Variants in SPOCK1 observed in about 807,000 individuals in gnomAD.
SPOCK1 encodes the protein testican-1.
SPOCK1 carries 23 observed loss-of-function variants against 55.3 expected under a neutral mutation model. The ratio of observed to expected loss-of-function variants is 0.42; its 90% confidence interval spans 0.30 to 0.59. The LOEUF (loss-of-function observed/expected upper bound fraction) is 0.59, where lower values mean the gene tolerates loss of function less well. Among genes scored for constraint, SPOCK1 ranks in the 20% least tolerant of loss-of-function variants. The probability of loss-of-function intolerance (pLI) is 0.22; values close to 1 mark genes in which losing one functional copy is unlikely to be tolerated. For missense variants in SPOCK1, 499 were observed against 552.5 expected (o/e 0.90, Z 0.97); for synonymous variants, 226 against 221.0 (o/e 1.02, Z -0.20).
chr5:137,095,752 C>G (rs1372893436), intron 5 of SPOCK1, among the ~76,000 whole-genome samples: 2 of 152,152 alleles, frequency 1.3e-5, no homozygotes, highest in African/African-American at 4.8e-5. Context: ...TGATGGAAAC[C>G]TTAGGAAGGA....
intron 3 of SPOCK1, among the ~76,000 whole-genome samples, chr5:137,204,322 A>G (rs892229442): frequency 5.3e-5 from 8 of 152,232 alleles, no homozygotes; most frequent in Admixed American, 1.3e-4. Context: ...TGATGGAACA[A>G]AACCTAAAAT....
chr5:137,038,164 G>A (rs1751922152), intron 6 of SPOCK1, among the ~76,000 whole-genome samples: 2 of 152,182 alleles, frequency 1.3e-5, no homozygotes, highest in South Asian at 2.1e-4. Flanking sequence ...TAGAGGGCAA[G>A]ACAGTTTAAG....
intron 3 of SPOCK1, among the ~76,000 whole-genome samples, chr5:137,240,391 C>G (rs534821490): frequency 6.6e-6 from 1 of 152,120 alleles, no homozygotes; most frequent in Non-Finnish European, 1.5e-5. Context: ...ATGGCAAGAA[C>G]GGAGCAAGGT....
chr5:137,220,437 G>A lies in SPOCK1; in HGVS notation c.232+46573C>T, dbSNP rs1209215903. 2.6e-5 allele frequency among the ~76,000 whole-genome samples: 4 copies of A among 152,128 alleles called. No homozygotes were observed. The East Asian group carries it at 5.8e-4, about 22-fold the overall frequency. On this transcript the variant is annotated intron_variant, in intron 3 of 10. Transcript: ENST00000394945. Reference sequence around the variant, plus strand: ...CATCATTTTCTAAGTATTATCACACGCAAGGAACTGTACTTTACATGGATT... The same window carrying A: ...CATCATTTTCTAAGTATTATCACACACAAGGAACTGTACTTTACATGGATT...
At chr5:137,245,322 G>A (rs1225038396) in intron 3 of SPOCK1, among the ~76,000 whole-genome samples, 1 of 151,998 alleles carries the variant, frequency 6.6e-6, no homozygotes, top group Non-Finnish European at 1.5e-5. Context: ...AAAAATAATT[G>A]GTTTTAGAAA....
chr5:137,484,120 A>C (rs7702804), intron 2 of SPOCK1, among the ~76,000 whole-genome samples: 57,701 of 151,942 alleles, frequency 0.38, 11,033 homozygotes, highest in East Asian at 0.46. Context: ...TCCCCTCTCA[A>C]CCTCCTCCAC....
At chr5:137,468,813 A>G (rs1393668608) in intron 2 of SPOCK1, among the ~76,000 whole-genome samples, 1 of 152,170 alleles carries the variant, frequency 6.6e-6, no homozygotes, top group Non-Finnish European at 1.5e-5. Flanking sequence ...TCACAGTTAC[A>G]TGCTTTCCTG....
chr5:137,252,443 T>C (rs1232723893), intron 3 of SPOCK1, among the ~76,000 whole-genome samples: 1 of 152,204 alleles, frequency 6.6e-6, no homozygotes, highest in African/African-American at 2.4e-5. Context: ...GAATATTGTA[T>C]GCAAAAGTTC....
At position 137,108,819 on chromosome 5, in the gene SPOCK1, C is replaced by T. The variant is rs62374896; in HGVS notation, c.474+3616G>A. On this transcript the variant is annotated intron_variant, in intron 5 of 10. Coordinates refer to ENST00000394945, the MANE Select transcript of SPOCK1 (RefSeq NM_004598.4). The stretch of plus-strand genomic sequence containing the variant: ...TATGCCACTCCTCTTATGAAGAATC[C>T]GAAGTCATTGCAAAGGGGTCTCCCC... Among the ~76,000 whole-genome samples, 503 of 152,256 alleles carry T rather than the reference C, an allele frequency of 3.3e-3. 1 individual carries two copies. The highest frequency in any genetic ancestry group is 3.6e-3 in the Non-Finnish European group (245 of 68,026).
At chr5:137,107,839 T>C (rs1753396898) in intron 5 of SPOCK1, among the ~76,000 whole-genome samples, 1 of 152,220 alleles carries the variant, frequency 6.6e-6, no homozygotes, top group South Asian at 2.1e-4. Context: ...CACACAGCCA[T>C]GGAACCCATC....
rs904046967 is a variant in SPOCK1 at position 137,485,039 on chromosome 5, T to C, written c.186+13334A>G. Among the ~76,000 whole-genome samples the C allele has an allele frequency of 1.1e-4, 16 of 152,156 alleles. 1 individual carries two copies. Among genetic ancestry groups the C allele is most frequent in the African/African-American group, 3.6e-4 (15 of 41,434 alleles). ...TATTCAAAAGTCTACTGGAGGCAAA[T>C]AGATCCTTCCCAAAAAGTGTTCAAG... On this transcript the variant is annotated intron_variant, in intron 2 of 10. Coordinates refer to ENST00000394945, the MANE Select transcript of SPOCK1 (RefSeq NM_004598.4).
chr5:136,979,575 CAGGG>C, intron 9 of SPOCK1, 106 bp from the exon 10 acceptor site: 3 of 1,410,266 alleles, frequency 2.1e-6, no homozygotes, highest in South Asian at 1.3e-5. Flanking sequence ...ATATCTGCTG[CAGGG>C]TCAGCAGCAG....
chr5:137,053,268 G>A (rs1202784749), intron 6 of SPOCK1, among the ~76,000 whole-genome samples: 1 of 152,106 alleles, frequency 6.6e-6, no homozygotes, highest in East Asian at 1.9e-4. Context: ...GTAGTCAGTT[G>A]TGGTTATCAC....
chr5:137,024,609 TAA>T (rs199966891), intron 6 of SPOCK1, among the ~76,000 whole-genome samples: 78 of 132,362 alleles, frequency 5.9e-4, no homozygotes, highest in Middle Eastern at 3.9e-3. Context: ...ATCTGACATG[TAA>T]AAAAAAAAAA....
At chr5:137,145,119 C>A (rs1754168224) in intron 3 of SPOCK1, among the ~76,000 whole-genome samples, 1 of 152,180 alleles carries the variant, frequency 6.6e-6, no homozygotes, top group Non-Finnish European at 1.5e-5. Context: ...TGGCACCCAG[C>A]ACAAATCCAA....
chr5:137,268,837 T>C (rs1485420805), intron 2 of SPOCK1, among the ~76,000 whole-genome samples: 1 of 152,248 alleles, frequency 6.6e-6, no homozygotes, highest in East Asian at 1.9e-4. Context: ...TATTTTCTAC[T>C]TGAACATGCT....
At position 137,067,925 on chromosome 5, in the gene SPOCK1, G is replaced by C. The variant is rs1354265840; in HGVS notation, c.475-96C>G. 3.0e-6 allele frequency: 3 copies of C among 991,422 alleles called. 1 individual carries two copies. The allele number at this position is 991,422 out of a possible 1,614,324, so 61.4% of individuals were successfully genotyped here. A position where few individuals can be genotyped will look rare whatever the true frequency, so the allele number is the denominator to read the frequency against. On this transcript the variant is annotated intron_variant, in intron 5 of 10. Coordinates refer to ENST00000394945, the MANE Select transcript of SPOCK1 (RefSeq NM_004598.4). ...CAGCAGTGCCCTTTGCTTCACAAAA[G>C]CAAAGACAAAGCAGGGAGAGGTCGA... is the stretch of plus-strand genomic sequence containing the variant.
intron 5 of SPOCK1, among the ~76,000 whole-genome samples, chr5:137,084,285 T>C (rs1232496086): frequency 6.6e-6 from 1 of 151,820 alleles, no homozygotes; most frequent in Non-Finnish European, 1.5e-5. Flanking sequence ...CCTGCCTCCT[T>C]CTGCTTGCTA....
chr5:137,397,707 T>C lies in SPOCK1; in HGVS notation c.186+100666A>G, dbSNP rs139384213. Among the ~76,000 whole-genome samples, 74 of 152,270 alleles carry C rather than the reference T, an allele frequency of 4.9e-4. 1 individual carries two copies. Among genetic ancestry groups the C allele is most frequent in the African/African-American group, 1.6e-3 (67 of 41,556 alleles). The stretch of plus-strand genomic sequence containing the variant: ...AGCTCTTGACCTTGAGCAAGTCACT[T>C]ACCCTCTCTGAGATTCATGTCCTTC... On this transcript the variant is annotated intron_variant, in intron 2 of 10. Transcript: ENST00000394945.
Sources: gnomAD v4.1 joint callset for allele counts (sites outside exome capture counted in the v4.1 genomes callset) on GRCh38, gnomAD v4.1.1 for gene constraint, MANE v1.5 for transcripts, NCBI Gene and HGNC (gene_info 2026-07-23, HGNC 2026-07-21) for gene names.